TNC: variants seen among roughly 807,000 people sequenced by gnomAD.
TNC encodes the protein tenascin C.
Under a neutral mutation model 202.4 loss-of-function variants are expected in TNC, and 109 were observed. The ratio of observed to expected loss-of-function variants is 0.54; its 90% CI spans 0.46 to 0.63. TNC has a LOEUF of 0.63. Among genes scored for constraint, TNC ranks in the 30% least tolerant of loss-of-function variants. The pLI is 0.00. For missense variants in TNC, 2,756 were observed against 2,833.3 expected, an observed-to-expected ratio of 0.97 and a Z score of 0.62; for synonymous variants, 1,007 against 1,089.7, an observed-to-expected ratio of 0.92 and a Z score of 1.50.
chr9:115,071,603 G>A (rs541085858), intron 10 of TNC, among the ~76,000 whole-genome samples: 32 of 152,152 alleles, frequency 2.1e-4, no homozygotes, highest in Non-Finnish European at 4.0e-4. Flanking sequence ...AGGCAATGTG[G>A]CCATCACCAG....
rs150040110 is a variant in TNC at position 115,090,921 on chromosome 9, C to T, written c.98G>A (p.Arg33Gln). 184 of 1,614,132 alleles carry T rather than the reference C, an allele frequency of 1.1e-4. No individual in the cohort carries two copies. The highest frequency in any genetic ancestry group is 8.4e-4 in the African/African-American group (63 of 75,022). The change falls in exon 2 of 28, where the codon CGA becomes CAA. Residue 33 changes from arginine to glutamine, a missense_variant. Physicochemically the swap from Arg to Gln is conservative, Grantham distance 43. Coordinates refer to ENST00000350763, the MANE Select transcript of TNC (RefSeq NM_002160.4). ...GVLKKVIRHK[R>Q]QSGVNATLPE... Reference sequence around the variant, plus strand: ...CAGGGTGGCGTTCACCCCACTCTGTCGCTTGTGCCGGATGACTTTCTTGAG... The same window carrying T: ...CAGGGTGGCGTTCACCCCACTCTGTTGCTTGTGCCGGATGACTTTCTTGAG...
At chr9:115,026,419 T>C in intron 26 of TNC, 115 bp downstream of exon 26, 1 of 1,172,656 alleles carries the variant, frequency 8.5e-7, no homozygotes. Flanking sequence ...TAAATATTTG[T>C]TGATTTAATA....
In TNC at chr9:115,026,556, C is replaced by T. The variant is rs778041631; in HGVS notation, c.6309G>A (p.Val2103=). 1 of 1,614,094 alleles carries T rather than the reference C, an allele frequency of 6.2e-7. No individual in the cohort carries two copies. The highest frequency in any genetic ancestry group is 1.1e-5 in the South Asian group (1 of 91,084). The change falls in exon 26 of 28, where the codon GTG becomes GTA. Residue 2103 remains valine, a synonymous_variant. Coordinates refer to ENST00000350763, the MANE Select transcript of TNC (RefSeq NM_002160.4). ...TACCTGCTGTCCCACTGTACCCCTC[C>T]ACCTTCAGCTTGTAGCGAGTCTTGG... ...GDAKTRYKLK[V]EGYSGTAGDS...
In TNC at chr9:115,087,109, C is replaced by A; in HGVS notation, c.622G>T (p.Asp208Tyr). 1 of 1,614,236 alleles carries A rather than the reference C, an allele frequency of 6.2e-7. No individual in the cohort carries two copies. Among genetic ancestry groups the A allele is most frequent in the African/African-American group, 1.3e-5 (1 of 75,070 alleles). Reference sequence around the variant, plus strand: ...CAGTCCTCGCCCGTGAAGCCGTCGTCACAGATGCACTGCCCATCAATGCAC... The same window carrying A: ...CAGTCCTCGCCCGTGAAGCCGTCGTAACAGATGCACTGCCCATCAATGCAC... ...GRCIDGQCIC[D>Y]DGFTGEDCSQ... Residue 208 changes from aspartate (D) to tyrosine (Y), a missense_variant, in exon 3 of 28, where the codon GAC becomes TAC. Physicochemically the swap from Asp to Tyr is radical, Grantham distance 160 (BLOSUM62 -3). Around this residue, in one of 2 missense-constraint regions of TNC, gnomAD observed 2,559 missense variants for 2,546.0 expected, o/e 1.01. Coordinates refer to ENST00000350763, the MANE Select transcript of TNC (RefSeq NM_002160.4).
Position 115,044,707 on chromosome 9 carries a change from G to A in TNC, c.5125+1703C>T, listed in dbSNP as rs112058639. ...AAGGCTCTGCCTCTGATCTGGAGTC[G>A]TTTTATGGGCAGCCACAGGGAGGAG... On this transcript the variant is annotated intron_variant, in intron 17 of 27. Transcript: ENST00000350763. 9.8e-3 allele frequency among the ~76,000 whole-genome samples: 1,485 copies of A among 152,244 alleles called. 21 individuals are homozygous for A. The highest frequency in any genetic ancestry group is 0.033 in the African/African-American group (1,377 of 41,530).
At chr9:115,099,365 A>T (rs921851726) in intron 1 of TNC, among the ~76,000 whole-genome samples, 2 of 152,232 alleles carry the variant, frequency 1.3e-5, no homozygotes, top group African/African-American at 2.4e-5. Context: ...GTGAAGAATG[A>T]TAAATACTAA....
chr9:115,041,191 A>G (rs1259371629), intron 18 of TNC, 107 bp from the exon 19 acceptor site: 3 of 1,259,270 alleles, frequency 2.4e-6, no homozygotes, highest in African/African-American at 3.0e-5. Context: ...CTATATCTTC[A>G]TCAAACACCA....
At chr9:115,057,022 C>T (rs1443262915) in intron 15 of TNC, 131 bp downstream of exon 15, 1 of 1,119,712 alleles carries the variant, frequency 8.9e-7, no homozygotes, top group South Asian at 1.7e-5. Flanking sequence ...TTAAACAGCA[C>T]CCCAGCCTAG....
At chr9:115,081,225 C>T (rs1178302412) in intron 6 of TNC, among the ~76,000 whole-genome samples, 1 of 152,200 alleles carries the variant, frequency 6.6e-6, no homozygotes, top group Non-Finnish European at 1.5e-5. Flanking sequence ...CTCTGTCCTA[C>T]AACTGGGTGC....
intron 16 of TNC, among the ~76,000 whole-genome samples, chr9:115,047,219 A>G (rs1193288523): frequency 1.3e-5 from 2 of 150,846 alleles, no homozygotes; most frequent in Non-Finnish European, 2.9e-5. Context: ...CTGTTTCACT[A>G]AAGAAGGCTC....
chr9:115,021,392 T>C, intron 27 of TNC, 125 bp from the exon 28 acceptor site: 6 of 667,352 alleles, frequency 9.0e-6, no homozygotes, highest in South Asian at 7.6e-5. Flanking sequence ...CTGTTTCAAT[T>C]TGACCATTTG....
intron 25 of TNC, among the ~76,000 whole-genome samples, chr9:115,028,270 A>C (rs1259966346): frequency 6.6e-6 from 1 of 152,046 alleles, no homozygotes; most frequent in African/African-American, 2.4e-5. Context: ...TCTTTCTAAT[A>C]AACGTTCCTT....
Position 115,060,028 on chromosome 9 carries a change from T to C in TNC, c.4034-26A>G. The C allele has an allele frequency of 2.5e-6, 4 of 1,586,592 alleles. No individual in the cohort carries two copies. The South Asian group carries it at 4.6e-5, about 18-fold the overall frequency. On this transcript the variant is annotated intron_variant, in intron 13 of 27. Transcript: ENST00000350763. ...CTGAAGAAGGACAGAAAAGTATTTG[T>C]CAGTTCTATAAACCAAAAATGAGGA...
chr9:115,100,801 T>C (rs991324851), intron 1 of TNC, among the ~76,000 whole-genome samples: 3 of 152,256 alleles, frequency 2.0e-5, no homozygotes, highest in Non-Finnish European at 4.4e-5. Context: ...CTAGTAATCA[T>C]ATCACAATGT....
chr9:115,066,286 A>G (rs1182364569), intron 10 of TNC, among the ~76,000 whole-genome samples: 1 of 152,230 alleles, frequency 6.6e-6, no homozygotes, highest in Non-Finnish European at 1.5e-5. Flanking sequence ...TGGACTTTGC[A>G]TAGTTTAGGA....
chr9:115,043,313 A>G (rs1202477873), intron 17 of TNC, among the ~76,000 whole-genome samples: 1 of 151,882 alleles, frequency 6.6e-6, no homozygotes, highest in Non-Finnish European at 1.5e-5. Context: ...CTCATCTAAG[A>G]CATCTCCTCC....
At position 115,046,578 on chromosome 9, in the gene TNC, T is replaced by C. The variant is rs1418934131; in HGVS notation, c.4957A>G (p.Lys1653Glu). The C allele has an allele frequency of 6.2e-7, 1 of 1,614,100 alleles. No individual in the cohort carries two copies. The highest frequency in any genetic ancestry group is 1.7e-5 in the Admixed American group (1 of 60,020). The change falls in exon 17 of 28, where the codon AAA becomes GAA. Residue 1653 changes from lysine to glutamate, a missense_variant. Physicochemically the swap from Lys to Glu is moderately conservative, Grantham distance 56. Transcript: ENST00000350763. ...DEGVFDNFVLKIRDTKKQSEP... is the reference protein window; with the variant it reads ...DEGVFDNFVLEIRDTKKQSEP... ...GACTGCTTTTTGGTATCTCTGATTT[T>C]GAGAACAAAATTGTCGAAGACCCCT...
rs138739248 is a variant in TNC at position 115,020,612 on chromosome 9, T to C, written c.*545A>G. On this transcript the variant is annotated 3_prime_UTR_variant, in exon 28 of 28. Transcript: ENST00000350763. ...GAAATGTTTTGGAAAGAAAGATCTC[T>C]TGAAAAATCCTTAGTTTTCATCATC... 2.1e-3 allele frequency: 745 copies of C among 357,426 alleles called. 8 individuals carry two copies. Among genetic ancestry groups the C allele is most frequent in the African/African-American group, 0.015 (704 of 46,846 alleles). 22.1% of individuals were successfully genotyped at this position (357,426 alleles called of 1,614,324 possible).
At position 115,021,113 on chromosome 9, in the gene TNC, T is replaced by G; in HGVS notation, c.*44A>C. On this transcript the variant is annotated 3_prime_UTR_variant, in exon 28 of 28. Coordinates refer to ENST00000350763, the MANE Select transcript of TNC (RefSeq NM_002160.4). ...TTGATGCTTTGGTAAAATCCTTTCC[T>G]CGCTCTGGGCCTTATTCCTCTCTCA... 1.3e-6 allele frequency: 2 copies of G among 1,493,796 alleles called. No homozygotes were observed. Among genetic ancestry groups the G allele is most frequent in the Non-Finnish European group, 9.3e-7 (1 of 1,073,712 alleles). The allele number at this position is 1,493,796 out of a possible 1,614,324, so 92.5% of individuals were successfully genotyped here.
Sources: allele counts gnomAD v4.1 joint callset (sites outside exome capture counted in the v4.1 genomes callset), GRCh38; gene constraint gnomAD v4.1.1; regional missense constraint gnomAD v4.1.1; transcripts MANE v1.5; gene names NCBI Gene and HGNC (gene_info 2026-07-23, HGNC 2026-07-21).